The following ZNF566 variants were observed in gnomAD, a reference collection of about 807,000 sequenced individuals.
ZNF566 encodes zinc finger protein 566.
In ZNF566, 27 loss-of-function variants were observed where a neutral mutation model predicts 32.8. The observed-to-expected ratio is 0.82, with a 90% CI of 0.61 to 1.14. ZNF566 has a LOEUF of 1.14. ZNF566 is among the 50% of genes most tolerant of loss of function. The probability of loss-of-function intolerance (pLI) is 0.00; values close to 1 mark genes in which losing one functional copy is unlikely to be tolerated. For synonymous variants in ZNF566, 154 were observed against 159.5 expected, an observed-to-expected ratio of 0.97 and a Z score of 0.26; for missense variants, 402 against 490.4, an observed-to-expected ratio of 0.82 and a Z score of 1.70.
intron 4 of ZNF566, among the ~76,000 whole-genome samples, chr19:36,454,379 C>T (rs1310677808): frequency 6.6e-6 from 1 of 151,952 alleles, no homozygotes; most frequent in Non-Finnish European, 1.5e-5. Flanking sequence ...GAGATAGGAA[C>T]AAAGACACTA....
rs2033993887 is a variant in ZNF566, at chr19:36,480,288, C to CTTTCTT, written c.-59-3673_-59-3672insAAGAAA. 2.9e-5 allele frequency among the ~76,000 whole-genome samples: 4 copies of CTTTCTT among 136,848 alleles called. 1 individual carries two copies. The highest frequency in any genetic ancestry group is 6.3e-5 in the Non-Finnish European group (4 of 63,492). The allele number at this position is 136,848 out of a possible 152,430, so 89.8% of individuals were successfully genotyped here. A position where few individuals can be genotyped will look rare whatever the true frequency, so the allele number is the denominator to read the frequency against. Reference sequence around the variant, plus strand: ...CAAAGACTCCATGCAATTTTTTTTTCTTTTTTTTTTTTTTGAGACAGAGTC... The same window carrying CTTTCTT: ...CAAAGACTCCATGCAATTTTTTTTTCTTTCTTTTTTTTTTTTTTTTGAGACAGAGTC... On this transcript the variant is annotated intron_variant, in intron 1 of 4. Transcript: ENST00000452939.
intron 4 of ZNF566, among the ~76,000 whole-genome samples, chr19:36,457,908 A>T (rs568108944): frequency 6.6e-6 from 1 of 152,254 alleles, no homozygotes; most frequent in South Asian, 2.1e-4. Context: ...ATAAACAAAC[A>T]AACAAAAATC....
chr19:36,487,295 A>T (rs2034191863), intron 1 of ZNF566, among the ~76,000 whole-genome samples: 1 of 152,112 alleles, frequency 6.6e-6, no homozygotes, highest in African/African-American at 2.4e-5. Flanking sequence ...AGTATCTATT[A>T]AACATTAGCC....
intron 1 of ZNF566, among the ~76,000 whole-genome samples, chr19:36,487,943 ATG>A (rs1325523127): frequency 6.6e-6 from 1 of 151,050 alleles, no homozygotes; most frequent in Non-Finnish European, 1.5e-5. Flanking sequence ...AAACTAGTTA[ATG>A]ATAGAATTCT....
In ZNF566 at chr19:36,445,332, G is replaced by T. The variant is rs2032967514; in HGVS notation, c.*3645C>A. 2 of 152,122 alleles carry T rather than the reference G, an allele frequency of 1.3e-5. No homozygotes were observed. Among genetic ancestry groups the T allele is most frequent in the Admixed American group, 6.6e-5 (1 of 15,264 alleles). 9.4% of individuals were successfully genotyped at this position (152,122 alleles called of 1,614,324 possible). A position where few individuals can be genotyped will look rare whatever the true frequency, so the allele number is the denominator to read the frequency against. Reference sequence around the variant, plus strand: ...ATAATAGTTACTTCTGGCATAACTGGTTTTATTCCTGGATAGAAACAAGTC... The same window carrying T: ...ATAATAGTTACTTCTGGCATAACTGTTTTTATTCCTGGATAGAAACAAGTC... On this transcript the variant is annotated 3_prime_UTR_variant, in exon 5 of 5. Transcript: ENST00000452939.
intron 4 of ZNF566, among the ~76,000 whole-genome samples, chr19:36,471,945 T>C (rs1392698635): frequency 3.3e-5 from 5 of 152,114 alleles, no homozygotes; most frequent in Admixed American, 2.6e-4. Context: ...GGTTTCATCA[T>C]GTTGGCCAGG....
chr19:36,479,493 C>T (rs1201052930), intron 1 of ZNF566, among the ~76,000 whole-genome samples: 3 of 152,100 alleles, frequency 2.0e-5, no homozygotes, highest in Non-Finnish European at 4.4e-5. Flanking sequence ...TAATAAACAT[C>T]AAATACTCAG....
At chr19:36,460,807 GAAC>G (rs531305456) in intron 4 of ZNF566, among the ~76,000 whole-genome samples, 174 of 152,048 alleles carry the variant, frequency 1.1e-3, no homozygotes, top group Admixed American at 1.9e-3. Context: ...AATAGTGAAA[GAAC>G]TGTAAAAAAA....
rs2033623462 is a variant in ZNF566 at position 36,466,792 on chromosome 19, G to A, written c.232+6119C>T. 4.6e-5 allele frequency among the ~76,000 whole-genome samples: 7 copies of A among 152,082 alleles called. No individual in the cohort carries two copies. In the South Asian group the frequency reaches 1.5e-3, roughly 32 times the overall value. On this transcript the variant is annotated intron_variant, in intron 4 of 4. Coordinates refer to ENST00000452939, the MANE Select transcript of ZNF566 (RefSeq NM_001145344.1). Reference sequence around the variant, plus strand: ...ACATTAAGAAAAATACAGACAATTCGGCCAGGCGCAGTGGCTCATGCCTAT... The same window carrying A: ...ACATTAAGAAAAATACAGACAATTCAGCCAGGCGCAGTGGCTCATGCCTAT...
Position 36,476,589 on chromosome 19 carries a change from T to C in ZNF566, c.-32A>G, listed in dbSNP as rs1427902815. ...GATATTTGTAGAAAAGGACCTTCTC[T>C]TGGCTCTTCTTTTGGAGAAGGGTAG... On this transcript the variant is annotated 5_prime_UTR_variant, in exon 2 of 5. Transcript: ENST00000452939. The C allele has an allele frequency of 5.6e-6, 9 of 1,613,362 alleles. No individual in the cohort carries two copies. Among genetic ancestry groups the C allele is most frequent in the Non-Finnish European group, 7.6e-6 (9 of 1,179,702 alleles).
rs1206438955 is a variant in ZNF566 at position 36,450,000 on chromosome 19, G to A, written c.234C>T (p.Val78=). 5.0e-6 allele frequency: 8 copies of A among 1,585,350 alleles called. No individual in the cohort carries two copies. Among genetic ancestry groups the A allele is most frequent in the East Asian group, 2.2e-5 (1 of 44,658 alleles). Residue 78 remains valine (V), a splice_region_variant and synonymous_variant, in exon 5 of 5, where the codon GTC becomes GTT. Transcript: ENST00000452939. ...DRELTRGQWP[V]LESRCETKKL... ...TCTTGGTCTCACATCTTGATTCCAG[G>A]ACTGAAAGAAAATATGAAAGTAATC...
intron 4 of ZNF566, among the ~76,000 whole-genome samples, chr19:36,450,337 T>C (rs1026385747): frequency 1.6e-4 from 25 of 152,080 alleles, no homozygotes; most frequent in South Asian, 4.1e-4. Flanking sequence ...TAGCATCTCA[T>C]AGTATGAATT....
chr19:36,477,556 T>A (rs2033925694), intron 1 of ZNF566, among the ~76,000 whole-genome samples: 2 of 137,470 alleles, frequency 1.5e-5, no homozygotes, highest in African/African-American at 5.5e-5. Context: ...TTTGTTTTTT[T>A]GAGACGGAGT....
At position 36,474,313 on chromosome 19, in the gene ZNF566, C is replaced by T. The variant is rs986547417; in HGVS notation, c.10-855G>A. On this transcript the variant is annotated intron_variant, in intron 2 of 4. Coordinates refer to ENST00000452939, the MANE Select transcript of ZNF566 (RefSeq NM_001145344.1). ...CCAGAGGGAAAACGTATTGATTGGC[C>T]TGTGGCAATGATGCTGGAGATTCTG... Among the ~76,000 whole-genome samples the T allele has an allele frequency of 2.0e-5, 3 of 152,212 alleles. No homozygotes were observed. The South Asian group carries it at 6.2e-4, about 32-fold the overall frequency.
intron 1 of ZNF566, among the ~76,000 whole-genome samples, chr19:36,487,700 G>A (rs1461905063): frequency 6.6e-6 from 1 of 152,054 alleles, no homozygotes. Flanking sequence ...CTGAGGTCAG[G>A]ACTAGCTTTG....
intron 4 of ZNF566, among the ~76,000 whole-genome samples, chr19:36,455,528 G>T (rs3107235): frequency 6.6e-6 from 1 of 151,392 alleles, no homozygotes; most frequent in Non-Finnish European, 1.5e-5. Context: ...GATTACTTGA[G>T]GTCAGGAGTT....
rs975109626 is a variant in ZNF566 at position 36,446,265 on chromosome 19, CTTTCT to C, written c.*2707_*2711del. On this transcript the variant is annotated 3_prime_UTR_variant, in exon 5 of 5. Transcript: ENST00000452939. ...AGAAGGGCAAAGATAATCATTTTTTCTTTCTTTTTTTTTTTTTTTTTTGAGACAGA... is the reference window on the plus strand; with the variant it reads ...AGAAGGGCAAAGATAATCATTTTTTCTTTTTTTTTTTTTTTTTGAGACAGA... The C allele has an allele frequency of 5.9e-5, 8 of 136,198 alleles. No individual in the cohort carries two copies. The highest frequency in any genetic ancestry group is 1.9e-4 in the African/African-American group (7 of 36,246). 8.4% of individuals were successfully genotyped at this position (136,198 alleles called of 1,614,324 possible).
At chr19:36,476,668 G>A (rs2033894502) in intron 1 of ZNF566, 52 bp from the exon 2 acceptor site, 1 of 1,442,960 alleles carries the variant, frequency 6.9e-7, no homozygotes, top group Admixed American at 2.2e-5. Context: ...CACAGCTCCT[G>A]GCCCAGAATG....
At chr19:36,460,966 C>G (rs1001125080) in intron 4 of ZNF566, among the ~76,000 whole-genome samples, 2 of 152,090 alleles carry the variant, frequency 1.3e-5, no homozygotes, top group Non-Finnish European at 2.9e-5. Context: ...CAAAAATATC[C>G]TTCAGTAATG....
Sources: gnomAD v4.1 joint callset for allele counts (sites outside exome capture counted in the v4.1 genomes callset) on GRCh38, gnomAD v4.1.1 for gene constraint, MANE v1.5 for transcripts, NCBI Gene and HGNC (gene_info 2026-07-23, HGNC 2026-07-21) for gene names.